The following PIWIL1 variants were observed in gnomAD, a reference collection of about 807,000 sequenced individuals.
PIWIL1 encodes the protein piwi-like protein 1.
A neutral mutation model predicts 114.4 loss-of-function variants in PIWIL1; 73 were observed. The observed-to-expected ratio is 0.64, with a 90% CI of 0.53 to 0.78. The LOEUF (loss-of-function observed/expected upper bound fraction) is 0.78, where lower values mean the gene tolerates loss of function less well. Ranked by LOEUF, PIWIL1 falls within the 30% of genes least tolerant of loss-of-function variation. The pLI is 0.00. For missense variants in PIWIL1, 723 were observed against 1,063.1 expected (o/e 0.68, Z 4.45); for synonymous variants, 375 against 369.0 (o/e 1.02, Z -0.19).
the PIWIL1 span, among the ~76,000 whole-genome samples, chr12:130,400,949 G>A: frequency 6.6e-5 from 10 of 152,076 alleles, no homozygotes; most frequent in Non-Finnish European, 1.5e-4. Flanking sequence ...ATGAAGAAAC[G>A]AATACTCGTG....
intron 16 of PIWIL1, 35 bp downstream of exon 16, chr12:130,361,636 G>A (rs1458216645): frequency 2.0e-6 from 3 of 1,537,868 alleles, no homozygotes; most frequent in South Asian, 1.1e-5. Context: ...GTGGCAGTGA[G>A]GACATAAAGC....
chr12:130,424,385 C>T, the PIWIL1 span: 1 of 1,232,732 alleles, frequency 8.1e-7, no homozygotes, highest in Non-Finnish European at 1.0e-6. This position sits in a 1 kb window ranked among gnomAD's most constrained non-coding sequence, Gnocchi z 9.8. Context: ...GGGTCAGCGT[C>T]CGCCGCCGGG....
Position 130,362,840 on chromosome 12 carries a change from A to G in PIWIL1, c.2041+4A>G. The G allele has an allele frequency of 6.2e-7, 1 of 1,613,930 alleles. No homozygotes were observed. The highest frequency in any genetic ancestry group is 1.1e-5 in the South Asian group (1 of 91,072). ...GGGCTCAAAGTCTGCCTGCAAGGTT[A>G]GTCACCTGTGGGGTTGCCATTCTAC... On this transcript the variant is annotated splice_donor_region_variant and intron_variant, in intron 17 of 20. Coordinates refer to ENST00000245255, the MANE Select transcript of PIWIL1 (RefSeq NM_004764.5).
At position 130,345,761 on chromosome 12, in the gene PIWIL1, A is replaced by G. The variant is rs2073053233; in HGVS notation, c.199A>G (p.Ile67Val). Residue 67 changes from isoleucine (I) to valine (V), a missense_variant, in exon 4 of 21, where the codon ATA (isoleucine) becomes GTA (valine). Transcript: ENST00000245255. ...GGTAKSQGLQ[I>V]SAGFQELSLA... ...CACAATTTTTTTTTAAGGACTCCAG[A>G]TATCTGCTGGATTTCAGGAGTTATC... 3 of 1,613,848 alleles carry G rather than the reference A, an allele frequency of 1.9e-6. No individual in the cohort carries two copies. The highest frequency in any genetic ancestry group is 2.5e-6 in the Non-Finnish European group (3 of 1,179,896).
intron 20 of PIWIL1, 60 bp downstream of exon 20, chr12:130,371,383 A>G (rs1251852657): frequency 1.9e-6 from 3 of 1,612,434 alleles, no homozygotes; most frequent in South Asian, 1.1e-5. Flanking sequence ...TCAAAATGAA[A>G]TAGCTGTGGT....
Position 130,342,576 on chromosome 12 carries a change from C to G in PIWIL1, c.-12-4C>G. ...TATTGTCTTCAAGATTGTTTCCTCT[C>G]CAGAAATAGAAAACAATGACTGGGA... On this transcript the variant is annotated splice_region_variant and splice_polypyrimidine_tract_variant and intron_variant, in intron 1 of 20. Transcript: ENST00000245255. 6.3e-7 allele frequency: 1 copy of G among 1,586,696 alleles called. No individual in the cohort carries two copies. The highest frequency in any genetic ancestry group is 8.7e-7 in the Non-Finnish European group (1 of 1,155,236).
the PIWIL1 span, among the ~76,000 whole-genome samples, chr12:130,413,402 G>A: frequency 2.6e-5 from 4 of 152,030 alleles, no homozygotes; most frequent in Admixed American, 1.3e-4. Context: ...GGCCAAGGCG[G>A]GCAGATCACT....
At chr12:130,412,817 A>G in the PIWIL1 span, 6 of 1,592,912 alleles carry the variant, frequency 3.8e-6, no homozygotes, top group African/African-American at 8.1e-5. Context: ...TAAATCAAGC[A>G]CTGTAATTGA....
chr12:130,424,757 C>T, the PIWIL1 span: 29 of 1,232,290 alleles, frequency 2.4e-5, no homozygotes, highest in East Asian at 6.3e-5. The surrounding 1 kb of genome is among the most constrained non-coding windows in gnomAD (Gnocchi z 9.8). Flanking sequence ...CGTCCTCTTC[C>T]GCTACTTCGG....
At chr12:130,363,436 G>T (rs2073568283) in intron 18 of PIWIL1, among the ~76,000 whole-genome samples, 1 of 152,052 alleles carries the variant, frequency 6.6e-6, no homozygotes, top group Non-Finnish European at 1.5e-5. Flanking sequence ...GCAAGTATCT[G>T]ATAATTCTGT....
At chr12:130,410,302 A>G in the PIWIL1 span, among the ~76,000 whole-genome samples, 1 of 152,122 alleles carries the variant, frequency 6.6e-6, no homozygotes, top group African/African-American at 2.4e-5. Flanking sequence ...AGTGGGTTTT[A>G]CTTGCAAGGA....
At chr12:130,349,563 G>A in intron 8 of PIWIL1, 127 bp downstream of exon 8, 1 of 677,832 alleles carries the variant, frequency 1.5e-6, no homozygotes, top group Non-Finnish European at 2.5e-6. Flanking sequence ...CAAGGGTGAG[G>A]GTATTTTTCA....
chr12:130,384,899 C>G, the PIWIL1 span, among the ~76,000 whole-genome samples: 1 of 151,858 alleles, frequency 6.6e-6, no homozygotes, highest in East Asian at 1.9e-4. Flanking sequence ...GTTATTTACT[C>G]TTTGTTTTAT....
chr12:130,342,155 C>CGTGTGTGTGTGTGTGT (rs56124149), intron 1 of PIWIL1: 3 of 134,882 alleles, frequency 2.2e-5, no homozygotes, highest in South Asian at 5.0e-4. Context: ...TGCCTGTTTC[C>CGTGTGTGTGTGTGTGT]GTGTGTGTGT....
At chr12:130,424,487 G>A in the PIWIL1 span, 55 of 1,232,120 alleles carry the variant, frequency 4.5e-5, no homozygotes, top group South Asian at 5.3e-4. The surrounding 1 kb of genome is among the most constrained non-coding windows in gnomAD (Gnocchi z 9.8). Flanking sequence ...ACCGCGACTC[G>A]TCCTCTTCAC....
chr12:130,339,075 C>T (rs1312001408), intron 1 of PIWIL1, among the ~76,000 whole-genome samples: 1 of 152,056 alleles, frequency 6.6e-6, no homozygotes, highest in African/African-American at 2.4e-5. Context: ...GGCGAGGGCC[C>T]CTTCCCGCGT....
At chr12:130,342,294 C>T (rs1253504093) in intron 1 of PIWIL1, 10 of 397,682 alleles carry the variant, frequency 2.5e-5, no homozygotes, top group Non-Finnish European at 3.7e-5. Flanking sequence ...CTTTCTCCTC[C>T]TAAGTCTGTT....
the PIWIL1 span, among the ~76,000 whole-genome samples, chr12:130,423,726 C>A: frequency 5.6e-5 from 6 of 106,482 alleles, no homozygotes; most frequent in African/African-American, 1.5e-4. Context: ...TGTCAGAAAG[C>A]AATGAAAAAA....
chr12:130,357,216 C>T (rs1168481983), intron 13 of PIWIL1, 111 bp downstream of exon 13: 1 of 877,362 alleles, frequency 1.1e-6, no homozygotes, highest in Non-Finnish European at 1.7e-6. Context: ...TTTGATGTGG[C>T]TCCCTGTAAT....
Sources: gnomAD v4.1 joint callset for allele counts (sites outside exome capture counted in the v4.1 genomes callset) on GRCh38, gnomAD v4.1.1 for gene constraint, Gnocchi (gnomAD v3.1) non-coding constraint, MANE v1.5 for transcripts, NCBI Gene and HGNC (gene_info 2026-07-23, HGNC 2026-07-21) for gene names.